The following TLK1 variants were observed in gnomAD, a reference collection of about 807,000 sequenced individuals.
The protein encoded by TLK1 is serine/threonine-protein kinase tousled-like 1.
A neutral mutation model predicts 105.3 loss-of-function variants in TLK1; 24 were observed. The ratio of observed to expected loss-of-function variants is 0.23; its 90% CI spans 0.17 to 0.32. TLK1 has a LOEUF of 0.32. Ranked by LOEUF, TLK1 falls within the 10% of genes least tolerant of loss-of-function variation. The probability of loss-of-function intolerance (pLI) is 1.00; values close to 1 mark genes in which losing one functional copy is unlikely to be tolerated. For missense variants in TLK1, 558 were observed against 910.5 expected, an observed-to-expected ratio of 0.61 and a Z score of 4.98; for synonymous variants, 321 against 310.4, an observed-to-expected ratio of 1.03 and a Z score of -0.36.
chr2:171,072,856 GA>G (rs1558924908), intron 3 of TLK1, among the ~76,000 whole-genome samples: 1 of 150,766 alleles, frequency 6.6e-6, no homozygotes, highest in African/African-American at 2.4e-5. Context: ...TTGAACCGGG[GA>G]GGTGGTGGTT....
chr2:171,131,973 C>G (rs902733387), intron 1 of TLK1, among the ~76,000 whole-genome samples: 11 of 152,158 alleles, frequency 7.2e-5, no homozygotes, highest in African/African-American at 2.7e-4. Context: ...CACTAGCTGA[C>G]GTACTGCTAA....
intron 1 of TLK1, among the ~76,000 whole-genome samples, chr2:171,147,021 A>T (rs1335653394): frequency 1.3e-5 from 2 of 152,158 alleles, no homozygotes; most frequent in Non-Finnish European, 2.9e-5. Flanking sequence ...TGAATATAAC[A>T]CCTTGATATA....
chr2:171,001,047 T>C (rs1462227703), intron 18 of TLK1, among the ~76,000 whole-genome samples: 1 of 152,226 alleles, frequency 6.6e-6, no homozygotes, highest in African/African-American at 2.4e-5. Context: ...TCTTTCATGA[T>C]TTCCTTGACT....
At chr2:171,161,202 C>T (rs981066018), upstream of TLK1, among the ~76,000 whole-genome samples, 1 of 149,870 alleles carries the variant, frequency 6.7e-6, no homozygotes, top group Non-Finnish European at 1.5e-5. Context: ...AGGCGCGCCC[C>T]CGCCGCGCCG....
chr2:171,069,177 A>G (rs1338800910), intron 3 of TLK1, among the ~76,000 whole-genome samples: 1 of 152,208 alleles, frequency 6.6e-6, no homozygotes, highest in Admixed American at 6.5e-5. Context: ...GGTAATTTAT[A>G]TAACAAGTTA....
Position 171,195,501 on chromosome 2 carries a change from C to CAAAA in TLK1, c.-6+35640_-6+35643dup, listed in dbSNP as rs55835853. 5.7e-4 allele frequency among the ~76,000 whole-genome samples: 38 copies of CAAAA among 66,160 alleles called. 1 individual carries two copies. Among genetic ancestry groups the CAAAA allele is most frequent in the Non-Finnish European group, 7.2e-4 (23 of 32,078 alleles). 43.4% of individuals were successfully genotyped at this position (66,160 alleles called of 152,430 possible). ...TAGGTGACAGAGCAAGACTCTGTCT[C>CAAAA]AAAAAAAAAAAAAAAAAAAAACATA... is the stretch of plus-strand genomic sequence containing the variant. On this transcript the variant is annotated intron_variant, in intron 1 of 20. Transcript: ENST00000521943.
At position 171,050,098 on chromosome 2, in the gene TLK1, C is replaced by T. The variant is rs1357572440; in HGVS notation, c.809G>A (p.Cys270Tyr). 9 of 1,600,804 alleles carry T rather than the reference C, an allele frequency of 5.6e-6. No individual in the cohort carries two copies. The highest frequency in any genetic ancestry group is 6.8e-6 in the Non-Finnish European group (8 of 1,171,920). The change falls in exon 9 of 21, where the codon TGC (cysteine) becomes TAC (tyrosine). Residue 270 changes from cysteine (C) to tyrosine (Y), a missense_variant. This residue lies in a region of TLK1 where 196 missense variants were observed against 239.3 expected (regional missense o/e 0.82). Transcript: ENST00000431350. Reference protein sequence around the residue: ...LEKYKERLNKCISMSKKLLIE... With the variant: ...LEKYKERLNKYISMSKKLLIE... ...AAGAAGTTTCTTGCTCATTGATATG[C>T]ACTTATTTAATCGTTCTTTGTATTT... is the stretch of plus-strand genomic sequence containing the variant.
chr2:171,070,487 C>T (rs1399132850), intron 3 of TLK1, among the ~76,000 whole-genome samples: 1 of 152,104 alleles, frequency 6.6e-6, no homozygotes, highest in Non-Finnish European at 1.5e-5. Context: ...GTTGCATTGT[C>T]TTAATTTTTA....
intron 12 of TLK1, among the ~76,000 whole-genome samples, chr2:171,027,119 T>G (rs940639710): frequency 1.3e-5 from 2 of 152,108 alleles, no homozygotes; most frequent in Non-Finnish European, 2.9e-5. Flanking sequence ...ATTAATAACA[T>G]TTCCAAAACA....
chr2:171,224,864 A>G lies in TLK1; in HGVS notation c.-6+6281T>C, dbSNP rs141589306. ...GGCTTAGTGATAGACATATGTGTAT[A>G]TCAATGAAATATAATTGATAATTCA... On this transcript the variant is annotated intron_variant, in intron 1 of 20. Transcript: ENST00000521943. 2.6e-5 allele frequency among the ~76,000 whole-genome samples: 4 copies of G among 152,350 alleles called. No individual in the cohort carries two copies. The East Asian group carries it at 7.7e-4, about 29-fold the overall frequency.
At chr2:171,195,253 C>T (rs56243805) in intron 1 of TLK1, among the ~76,000 whole-genome samples, 19,498 of 152,056 alleles carry the variant, frequency 0.13, 2,071 homozygotes, top group African/African-American at 0.29. Flanking sequence ...CCTGTAATCC[C>T]AGCACTTTGG....
intron 1 of TLK1, among the ~76,000 whole-genome samples, chr2:171,213,292 C>T (rs1339856993): frequency 6.6e-6 from 1 of 151,678 alleles, no homozygotes; most frequent in Non-Finnish European, 1.5e-5. Context: ...GCCTCGACCT[C>T]CTGGGCTCGG....
At chr2:171,198,838 T>C (rs1693326987) in intron 1 of TLK1, among the ~76,000 whole-genome samples, 1 of 152,244 alleles carries the variant, frequency 6.6e-6, no homozygotes, top group African/African-American at 2.4e-5. Context: ...ACCTTTCCTA[T>C]CTATTTACCT....
chr2:171,141,021 A>C (rs1257386919), intron 1 of TLK1, among the ~76,000 whole-genome samples: 2 of 152,260 alleles, frequency 1.3e-5, no homozygotes, highest in African/African-American at 4.8e-5. Flanking sequence ...AAGAGAATTA[A>C]TGAAATGGAA....
chr2:171,082,906 G>A (rs1005176133), intron 2 of TLK1, 54 bp from the exon 3 acceptor site: 28 of 1,237,840 alleles, frequency 2.3e-5, no homozygotes, highest in Admixed American at 1.2e-4. Flanking sequence ...TTAAAGCAGC[G>A]GGAATAATTT....
chr2:171,036,703 G>C (rs1365648899), intron 11 of TLK1, among the ~76,000 whole-genome samples: 2 of 152,176 alleles, frequency 1.3e-5, no homozygotes, highest in Admixed American at 1.3e-4. Context: ...TTTCACAGAT[G>C]AAGAAAAACT....
At chr2:171,229,835 G>T (rs1253406790) in intron 1 of TLK1, among the ~76,000 whole-genome samples, 4 of 152,156 alleles carry the variant, frequency 2.6e-5, no homozygotes, top group African/African-American at 7.2e-5. Context: ...CATTGGCATG[G>T]CGAGTTAGCA....
chr2:171,000,378 A>C (rs1268917207), intron 18 of TLK1, among the ~76,000 whole-genome samples: 2 of 20,136 alleles, frequency 9.9e-5, no homozygotes, highest in Non-Finnish European at 2.3e-4. Context: ...AACTCTGTCA[A>C]AAAAAAAAAA....
At chr2:171,138,352 A>T (rs1027069458) in intron 1 of TLK1, among the ~76,000 whole-genome samples, 8 of 152,222 alleles carry the variant, frequency 5.3e-5, no homozygotes, top group Non-Finnish European at 1.0e-4. Context: ...AATAGAGAGT[A>T]GAGAACTACT....
Sources: allele counts gnomAD v4.1 joint callset (sites outside exome capture counted in the v4.1 genomes callset), GRCh38; gene constraint gnomAD v4.1.1; regional missense constraint gnomAD v4.1.1; transcripts MANE v1.5; gene names NCBI Gene and HGNC (gene_info 2026-07-23, HGNC 2026-07-21).